TRAFD1: variants seen among roughly 807,000 people sequenced by gnomAD.
The protein encoded by TRAFD1 is TRAF-type zinc finger domain-containing protein 1.
A neutral mutation model predicts 65.3 loss-of-function variants in TRAFD1; 38 were observed. The ratio of observed to expected loss-of-function variants is 0.58; its 90% CI spans 0.45 to 0.76. The LOEUF is 0.76. Ranked by LOEUF, TRAFD1 falls within the 30% of genes least tolerant of loss-of-function variation. The probability of loss-of-function intolerance (pLI) is 0.00; values close to 1 mark genes in which losing one functional copy is unlikely to be tolerated. For missense variants in TRAFD1, 631 were observed against 712.6 expected (o/e 0.89, Z 1.30); for synonymous variants, 223 against 257.2 (o/e 0.87, Z 1.27).
intron 2 of TRAFD1, among the ~76,000 whole-genome samples, chr12:112,132,492 A>G (rs893311552): frequency 7.9e-5 from 12 of 152,226 alleles, no homozygotes; most frequent in Admixed American, 7.9e-4. Context: ...AATTAATTCA[A>G]AATGAGTAGT....
At position 112,141,080 on chromosome 12, in the gene TRAFD1, C is replaced by T; in HGVS notation, c.499C>T (p.Gln167Ter). Reference protein sequence around the residue: ...WGQDGIWIASQLLRQIEALDP... With the variant: ...WGQDGIWIAS The stretch of plus-strand genomic sequence containing the variant: ...TCAGGATGGAATCTGGATTGCATCC[C>T]AACTCCTCAGACAAATTGAGGCTCT... The change falls in exon 5 of 12, where the codon CAA becomes TAA. Residue 167 changes from glutamine (Q) to a stop codon, truncating the protein, a stop_gained. Transcript: ENST00000412615. LOFTEE classifies it high-confidence loss of function. The T allele has an allele frequency of 6.2e-7, 1 of 1,614,122 alleles. No individual in the cohort carries two copies. Among genetic ancestry groups the T allele is most frequent in the South Asian group, 1.1e-5 (1 of 91,076 alleles).
chr12:112,139,982 T>C (rs2030037511), intron 4 of TRAFD1: 1 of 179,680 alleles, frequency 5.6e-6, no homozygotes, highest in African/African-American at 2.4e-5. Context: ...TGCACACCAC[T>C]CTGTCGCTGG....
chr12:112,132,419 G>A (rs2079571092), intron 2 of TRAFD1, among the ~76,000 whole-genome samples: 1 of 152,154 alleles, frequency 6.6e-6, no homozygotes, highest in South Asian at 2.1e-4. Context: ...ACTACCACCA[G>A]TAATGTATTA....
In TRAFD1 at chr12:112,152,851, T is replaced by G; in HGVS notation, c.*60T>G. ...TTCTGTGCACAGCAGCACTTGCCGCTGTGCAGGCCCACCTCTTTGGCTCTT... is the reference window on the plus strand; with the variant it reads ...TTCTGTGCACAGCAGCACTTGCCGCGGTGCAGGCCCACCTCTTTGGCTCTT... On this transcript the variant is annotated 3_prime_UTR_variant, in exon 12 of 12. Transcript: ENST00000412615. The surrounding 1 kb of genome is among the most constrained non-coding windows in gnomAD (Gnocchi z 5.0). 2 of 1,586,994 alleles carry G rather than the reference T, an allele frequency of 1.3e-6. No homozygotes were observed. Among genetic ancestry groups the G allele is most frequent in the Non-Finnish European group, 1.7e-6 (2 of 1,163,034 alleles).
intron 7 of TRAFD1, among the ~76,000 whole-genome samples, chr12:112,147,129 A>G (rs2030273844): frequency 1.3e-5 from 2 of 150,522 alleles, no homozygotes; most frequent in South Asian, 2.1e-4. Flanking sequence ...CCTCCAGGGT[A>G]GCTGGGACTA....
Position 112,130,366 on chromosome 12 carries a change from C to A in TRAFD1, c.-12-145C>A. On this transcript the variant is annotated intron_variant, in intron 1 of 11. Transcript: ENST00000412615. This position sits in a 1 kb window ranked among gnomAD's most constrained non-coding sequence, Gnocchi z 4.4. ...TGAAAATTTTAAAATAAGAAAATCC[C>A]AAGGGACTGGATATTGAATAAAATG... 2.1e-6 allele frequency: 1 copy of A among 471,286 alleles called. No homozygotes were observed. Among genetic ancestry groups the A allele is most frequent in the Non-Finnish European group, 3.8e-6 (1 of 265,454 alleles). 29.2% of individuals were successfully genotyped at this position (471,286 alleles called of 1,614,324 possible).
In TRAFD1 at chr12:112,152,888, G is replaced by T. The variant is rs1358736933; in HGVS notation, c.*97G>T. The T allele has an allele frequency of 3.4e-5, 48 of 1,424,134 alleles. No homozygotes were observed. The highest frequency in any genetic ancestry group is 4.3e-5 in the Non-Finnish European group (45 of 1,038,316). 88.2% of individuals were successfully genotyped at this position (1,424,134 alleles called of 1,614,324 possible). ...CCTCTTTGGCTCTTTGGGTGGGAGA[G>T]TTTTTCCAGATTTTAGATTTTTCTA... On this transcript the variant is annotated 3_prime_UTR_variant, in exon 12 of 12. Coordinates refer to ENST00000412615, the MANE Select transcript of TRAFD1 (RefSeq NM_006700.3). This position sits in a 1 kb window ranked among gnomAD's most constrained non-coding sequence, Gnocchi z 5.0.
Position 112,152,928 on chromosome 12 carries a change from T to G in TRAFD1, c.*137T>G. On this transcript the variant is annotated 3_prime_UTR_variant, in exon 12 of 12. Transcript: ENST00000412615. This position sits in a 1 kb window ranked among gnomAD's most constrained non-coding sequence, Gnocchi z 5.0. ...AGATTTTTCTAGGTTATGGCCATTT[T>G]GTGTCTTTTGAGGTTGTGCTGTGGG... 1 of 975,836 alleles carries G rather than the reference T, an allele frequency of 1.0e-6. No homozygotes were observed. Among genetic ancestry groups the G allele is most frequent in the Non-Finnish European group, 1.5e-6 (1 of 668,258 alleles). 60.4% of individuals were successfully genotyped at this position (975,836 alleles called of 1,614,324 possible).
chr12:112,146,982 C>CTT (rs2030265026), intron 7 of TRAFD1, among the ~76,000 whole-genome samples: 1 of 109,716 alleles, frequency 9.1e-6, no homozygotes, highest in Non-Finnish European at 1.8e-5. Flanking sequence ...ATGGAGGGAA[C>CTT]TTCTGTTTTT....
At chr12:112,145,845 GA>G (rs980654442) in intron 7 of TRAFD1, among the ~76,000 whole-genome samples, 183 bp downstream of exon 7, 4 of 152,070 alleles carry the variant, frequency 2.6e-5, no homozygotes, top group African/African-American at 9.7e-5. Context: ...TTCCTTCTTA[GA>G]AAAAGTGATG....
chr12:112,147,066 C>T (rs890661103), intron 7 of TRAFD1, among the ~76,000 whole-genome samples: 15 of 126,956 alleles, frequency 1.2e-4, no homozygotes, highest in South Asian at 5.1e-4. Flanking sequence ...GTGACGCGAT[C>T]GGGGCTCACT....
intron 2 of TRAFD1, 131 bp from the exon 3 acceptor site, chr12:112,134,607 T>A (rs2079586169): frequency 1.9e-6 from 2 of 1,069,224 alleles, no homozygotes; most frequent in African/African-American, 3.2e-5. Context: ...GTTTGTAGGC[T>A]AGGTATTCAC....
intron 2 of TRAFD1, among the ~76,000 whole-genome samples, chr12:112,131,720 G>A (rs1181904649): frequency 6.6e-6 from 1 of 152,162 alleles, no homozygotes; most frequent in Non-Finnish European, 1.5e-5. Context: ...TTTCTCCGAA[G>A]GTAGGAAGTA....
At chr12:112,132,893 G>A (rs970692765) in intron 2 of TRAFD1, among the ~76,000 whole-genome samples, 1 of 152,080 alleles carries the variant, frequency 6.6e-6, no homozygotes, top group Non-Finnish European at 1.5e-5. Context: ...TAAATAATGT[G>A]TTTTATGACT....
rs544009549 is a variant in TRAFD1 at position 112,152,339 on chromosome 12, A to G, written c.1620-88A>G. 39 of 1,548,060 alleles carry G rather than the reference A, an allele frequency of 2.5e-5. No individual in the cohort carries two copies. Among genetic ancestry groups the G allele is most frequent in the Admixed American group, 8.8e-5 (5 of 56,498 alleles). On this transcript the variant is annotated intron_variant, in intron 10 of 11. Coordinates refer to ENST00000412615, the MANE Select transcript of TRAFD1 (RefSeq NM_006700.3). The surrounding 1 kb of genome is among the most constrained non-coding windows in gnomAD (Gnocchi z 5.0). ...ATGGGTTTTTTGGGGTTTGTCTGCT[A>G]GCATAGGACTGCTTCCTGTTCCCTC...
In TRAFD1 at chr12:112,134,724, G is replaced by T. The variant is rs1325646042; in HGVS notation, c.48-14G>T. 1 of 1,609,472 alleles carries T rather than the reference G, an allele frequency of 6.2e-7. No homozygotes were observed. The highest frequency in any genetic ancestry group is 8.5e-7 in the Non-Finnish European group (1 of 1,176,482). On this transcript the variant is annotated splice_polypyrimidine_tract_variant and intron_variant, in intron 2 of 11. Coordinates refer to ENST00000412615, the MANE Select transcript of TRAFD1 (RefSeq NM_006700.3). ...TCAGTAATGCTTGCCTTTTTCTTTG[G>T]TCTATTTCCGTAGCAAAAAAGAAAT... is the stretch of plus-strand genomic sequence containing the variant.
chr12:112,130,695 GT>G lies in TRAFD1; in HGVS notation c.47+129del. The G allele has an allele frequency of 2.9e-6, 2 of 688,720 alleles. No homozygotes were observed. Among genetic ancestry groups the G allele is most frequent in the African/African-American group, 1.8e-5 (1 of 54,602 alleles). 42.7% of individuals were successfully genotyped at this position (688,720 alleles called of 1,614,324 possible). A position where few individuals can be genotyped will look rare whatever the true frequency, so the allele number is the denominator to read the frequency against. On this transcript the variant is annotated intron_variant, in intron 2 of 11. Coordinates refer to ENST00000412615, the MANE Select transcript of TRAFD1 (RefSeq NM_006700.3). The surrounding 1 kb of genome is among the most constrained non-coding windows in gnomAD (Gnocchi z 4.4). ...CTTGAGTTAAGCTTTCTATTTTGGT[GT>G]TTATAACCCACATGAATTACAAGAA...
intron 4 of TRAFD1, chr12:112,139,983 C>G (rs901180056): frequency 2.2e-5 from 4 of 180,066 alleles, no homozygotes; most frequent in East Asian, 1.7e-4. Context: ...GCACACCACT[C>G]TGTCGCTGGG....
intron 3 of TRAFD1, 22 bp from the exon 4 acceptor site, chr12:112,134,991 T>C: frequency 6.2e-7 from 1 of 1,614,232 alleles, no homozygotes; most frequent in Non-Finnish European, 8.5e-7. Context: ...GCCAATTTAC[T>C]GATTCTCACT....
Sources: allele counts gnomAD v4.1 joint callset (sites outside exome capture counted in the v4.1 genomes callset), GRCh38; gene constraint gnomAD v4.1.1; non-coding constraint Gnocchi (gnomAD v3.1); transcripts MANE v1.5; gene names NCBI Gene and HGNC (gene_info 2026-07-23, HGNC 2026-07-21).